Variants in NCOA1 observed in about 807,000 individuals in gnomAD.
The protein encoded by NCOA1 is nuclear receptor coactivator 1, also known as Hin-2 protein.
Under a neutral mutation model 150.9 loss-of-function variants are expected in NCOA1, and 35 were observed. That is an observed-to-expected ratio of 0.23 (90% CI 0.18 to 0.31). NCOA1 has a LOEUF of 0.31. Among genes scored for constraint, NCOA1 ranks in the 10% least tolerant of loss-of-function variants. NCOA1 has a pLI of 1.00. For missense variants in NCOA1, 1,491 were observed against 1,749.3 expected (o/e 0.85, Z 2.63); for synonymous variants, 590 against 630.0 (o/e 0.94, Z 0.95).
At chr2:24,743,443 A>C (rs1402236967) in intron 19 of NCOA1, among the ~76,000 whole-genome samples, 1 of 152,228 alleles carries the variant, frequency 6.6e-6, no homozygotes, top group Non-Finnish European at 1.5e-5. Context: ...GATTTTAATC[A>C]AAATTATGCC....
At chr2:24,663,506 A>T (rs1029470441) in intron 5 of NCOA1, among the ~76,000 whole-genome samples, 4 of 152,186 alleles carry the variant, frequency 2.6e-5, no homozygotes, top group Non-Finnish European at 5.9e-5. Context: ...TGAGTTAGCT[A>T]GTTTGTTGAA....
At chr2:24,640,203 T>C (rs1225456289) in intron 3 of NCOA1, among the ~76,000 whole-genome samples, 7 of 151,958 alleles carry the variant, frequency 4.6e-5, no homozygotes, top group Admixed American at 4.6e-4. Context: ...TTTCAATCTT[T>C]AGAAACGTGT....
rs1399447420 is a variant in NCOA1, at chr2:24,642,033, TGTGTGC to T, written c.-174-1931_-174-1926del. Among the ~76,000 whole-genome samples the T allele has an allele frequency of 5.0e-5, 7 of 140,666 alleles. 1 individual carries two copies. Among genetic ancestry groups the T allele is most frequent in the Admixed American group, 4.9e-4 (7 of 14,368 alleles). 92.3% of individuals were successfully genotyped at this position (140,666 alleles called of 152,430 possible). A position where few individuals can be genotyped will look rare whatever the true frequency, so the allele number is the denominator to read the frequency against. ...GTGTGTGTGTGTGTGTGTGTGTGTG[TGTGTGC>T]GCGCGTGCGTATGTGTGTGTGTATG... On this transcript the variant is annotated intron_variant, in intron 3 of 22. Transcript: ENST00000348332.
intron 4 of NCOA1, among the ~76,000 whole-genome samples, chr2:24,649,084 TTTTA>T (rs927447765): frequency 6.6e-6 from 1 of 151,840 alleles, no homozygotes; most frequent in African/African-American, 2.4e-5. Context: ...TTTTTTTAAT[TTTTA>T]TTTATTTATT....
rs778557970 is a variant in NCOA1, at chr2:24,682,998, A to G, written c.402A>G (p.Val134=). ...TTGTGAACTGTGAAGGGAGAATTGTATTTGTGTCAGAGAATGTAACCAGCT... is the reference window on the plus strand; with the variant it reads ...TTGTGAACTGTGAAGGGAGAATTGTGTTTGTGTCAGAGAATGTAACCAGCT... ...FFVVNCEGRI[V]FVSENVTSYL... The change falls in exon 8 of 23, where the codon GTA becomes GTG. Residue 134 remains valine, a synonymous_variant. Coordinates refer to ENST00000348332, the MANE Select transcript of NCOA1 (RefSeq NM_003743.5). The G allele has an allele frequency of 5.6e-6, 9 of 1,606,884 alleles. No individual in the cohort carries two copies. The South Asian group carries it at 1.0e-4, about 18-fold the overall frequency.
At chr2:24,494,548 A>T (rs938883412) in intron 1 of NCOA1, among the ~76,000 whole-genome samples, 3 of 152,178 alleles carry the variant, frequency 2.0e-5, no homozygotes, top group Non-Finnish European at 2.9e-5. Flanking sequence ...GATCCCCGGG[A>T]CGCTCATGAT....
intron 1 of NCOA1, among the ~76,000 whole-genome samples, chr2:24,500,399 C>T (rs1335527837): frequency 2.6e-5 from 4 of 152,132 alleles, no homozygotes; most frequent in African/African-American, 7.2e-5. Context: ...TGAGCCACCG[C>T]GCCTGGCCAG....
chr2:24,573,298 T>G (rs1053233952), intron 2 of NCOA1, among the ~76,000 whole-genome samples: 1 of 152,156 alleles, frequency 6.6e-6, no homozygotes, highest in Admixed American at 6.5e-5. Flanking sequence ...TTTCAGATAC[T>G]GTCCCAATAA....
At chr2:24,672,210 C>A (rs1046382180) in intron 6 of NCOA1, among the ~76,000 whole-genome samples, 2 of 151,924 alleles carry the variant, frequency 1.3e-5, no homozygotes, top group African/African-American at 2.4e-5. Flanking sequence ...ATGGCAACCT[C>A]AGAATAATGG....
rs115346594 is a variant in NCOA1 at position 24,510,940 on chromosome 2, T to G, written c.-396+19338T>G. Among the ~76,000 whole-genome samples, 1,431 of 152,278 alleles carry G rather than the reference T, an allele frequency of 9.4e-3. 20 individuals are homozygous for G. The highest frequency in any genetic ancestry group is 0.033 in the African/African-American group (1,364 of 41,554). ...CACAAAGTTGTACAACCATCACCAT[T>G]GTGTAATATCAAACTTTTGTTTCCT... On this transcript the variant is annotated intron_variant, in intron 1 of 22. Coordinates refer to ENST00000348332, the MANE Select transcript of NCOA1 (RefSeq NM_003743.5).
chr2:24,593,696 T>C (rs987000450), intron 3 of NCOA1, among the ~76,000 whole-genome samples: 1 of 152,142 alleles, frequency 6.6e-6, no homozygotes, highest in Admixed American at 6.6e-5. Context: ...CCCTTACAAG[T>C]TATATGCCTG....
rs184317975 is a variant in NCOA1 at position 24,576,486 on chromosome 2, C to T, written c.-259-7990C>T. ...TGAGGTCAGGCAAATGTAGGACTCA[C>T]ATCATTTTTTCATCTTTTCTCAGGA... On this transcript the variant is annotated intron_variant, in intron 2 of 22. Transcript: ENST00000348332. Among the ~76,000 whole-genome samples the T allele has an allele frequency of 1.8e-3, 276 of 152,234 alleles. 1 individual carries two copies. The highest frequency in any genetic ancestry group is 3.1e-3 in the Non-Finnish European group (210 of 68,020).
intron 1 of NCOA1, among the ~76,000 whole-genome samples, chr2:24,516,583 G>A (rs1268187307): frequency 6.6e-6 from 1 of 151,532 alleles, no homozygotes; most frequent in African/African-American, 2.4e-5. Context: ...GCTGTTAACT[G>A]ATCCAAGCTA....
intron 2 of NCOA1, among the ~76,000 whole-genome samples, chr2:24,582,869 C>T (rs1444742172): frequency 6.6e-6 from 1 of 152,082 alleles, no homozygotes; most frequent in Admixed American, 6.5e-5. Context: ...CAAGCCTCTT[C>T]AATAAATGGG....
intron 14 of NCOA1, among the ~76,000 whole-genome samples, chr2:24,712,238 T>C (rs181697267): frequency 1.3e-5 from 2 of 152,356 alleles, no homozygotes; most frequent in Admixed American, 1.3e-4. Flanking sequence ...TGAAAGTTTC[T>C]TCTAATAGAA....
intron 3 of NCOA1, among the ~76,000 whole-genome samples, chr2:24,632,033 G>T (rs1437113251): frequency 6.6e-6 from 1 of 151,010 alleles, no homozygotes; most frequent in East Asian, 1.9e-4. Context: ...ATAGTATTTG[G>T]TTCCATGTAA....
At chr2:24,521,650 G>C (rs1057367792) in intron 1 of NCOA1, among the ~76,000 whole-genome samples, 11 of 152,130 alleles carry the variant, frequency 7.2e-5, no homozygotes, top group African/African-American at 2.4e-4. Flanking sequence ...TACTTAGGTT[G>C]TTTTTATATT....
chr2:24,563,220 G>T (rs1348033514), intron 1 of NCOA1, among the ~76,000 whole-genome samples: 1 of 152,188 alleles, frequency 6.6e-6, no homozygotes, highest in Admixed American at 6.5e-5. Context: ...AGAAGCAAGG[G>T]CAGCAGTGGG....
intron 3 of NCOA1, among the ~76,000 whole-genome samples, chr2:24,599,603 C>T (rs1157155122): frequency 6.6e-6 from 1 of 152,014 alleles, no homozygotes; most frequent in Non-Finnish European, 1.5e-5. Context: ...GCAGGAAGCC[C>T]CATAAGTTGG....
Sources: gnomAD v4.1 joint callset for allele counts (sites outside exome capture counted in the v4.1 genomes callset) on GRCh38, gnomAD v4.1.1 for gene constraint, MANE v1.5 for transcripts, NCBI Gene and HGNC (gene_info 2026-07-23, HGNC 2026-07-21) for gene names.